CPNE3: variants seen among roughly 807,000 people sequenced by gnomAD.
The protein encoded by CPNE3 is copine-3.
CPNE3 carries 68 observed loss-of-function variants against 63.9 expected under a neutral mutation model. That is an observed-to-expected ratio of 1.06 (90% CI 0.87 to 1.30). The LOEUF (loss-of-function observed/expected upper bound fraction) is 1.30. CPNE3 is among the 50% of genes most tolerant of loss of function. The pLI is 0.00. For synonymous variants in CPNE3, 219 were observed against 197.5 expected (o/e 1.11, Z -0.91); for missense variants, 665 against 578.1 (o/e 1.15, Z -1.54).
chr8:86,535,851 G>A (rs1467806944), intron 6 of CPNE3, among the ~76,000 whole-genome samples: 1 of 152,054 alleles, frequency 6.6e-6, no homozygotes, highest in Non-Finnish European at 1.5e-5. Flanking sequence ...TTTCTTTGAA[G>A]TTCTTTTTGT....
At chr8:86,547,596 A>G (rs1821080958) in intron 10 of CPNE3, 115 bp from the exon 11 acceptor site, 1 of 647,136 alleles carries the variant, frequency 1.5e-6, no homozygotes, top group African/African-American at 1.9e-5. Context: ...GGTAATTTCC[A>G]TGTTTATATC....
chr8:86,540,045 CACAACTGGACAATTTATT>C (rs1300479562), intron 7 of CPNE3, among the ~76,000 whole-genome samples, 182 bp from the exon 8 acceptor site: 3 of 152,228 alleles, frequency 2.0e-5, no homozygotes, highest in Admixed American at 6.5e-5. Flanking sequence ...CAGAATGTAT[CACAACTGGACAATTTATT>C]ACATTTTTCA....
chr8:86,525,796 T>C (rs1820529572), intron 2 of CPNE3, among the ~76,000 whole-genome samples: 1 of 152,178 alleles, frequency 6.6e-6, no homozygotes, highest in African/African-American at 2.4e-5. Context: ...TGGGGGAAGC[T>C]TTAGCTATTG....
At position 86,551,191 on chromosome 8, in the gene CPNE3, T is replaced by A. The variant is rs375351141; in HGVS notation, c.1077T>A (p.His359Gln). ...TTGTCCATCTTTGACAGGTATCACA[T>A]GAATTTCCAATGAACTTCAACCCAT... ...AQIPPQWQVS[H>Q]EFPMNFNPSN... is the part of the protein sequence containing the mutation. The change falls in exon 14 of 17, where the codon CAT becomes CAA. Residue 359 changes from histidine to glutamine, a missense_variant. Coordinates refer to ENST00000517490, the MANE Select transcript of CPNE3 (RefSeq NM_003909.5). 2.5e-6 allele frequency: 4 copies of A among 1,612,988 alleles called. No individual in the cohort carries two copies. Among genetic ancestry groups the A allele is most frequent in the Middle Eastern group, 3.3e-4 (2 of 6,058 alleles).
chr8:86,557,219 C>T (rs943716280), intron 16 of CPNE3, among the ~76,000 whole-genome samples: 6 of 152,026 alleles, frequency 3.9e-5, no homozygotes, highest in Non-Finnish European at 7.4e-5. Flanking sequence ...CTGCAACTTC[C>T]GCCTCCTGGG....
At position 86,560,227 on chromosome 8, in the gene CPNE3, A is replaced by G. The variant is rs992280908; in HGVS notation, c.*1817A>G. ...TTGTTTGGAGCCATAGTTGTCTCAG[A>G]TGTTCTAATTCTCTTTGTATGCTTG... On this transcript the variant is annotated 3_prime_UTR_variant, in exon 17 of 17. Coordinates refer to ENST00000517490, the MANE Select transcript of CPNE3 (RefSeq NM_003909.5). 1 of 152,194 alleles carries G rather than the reference A, an allele frequency of 6.6e-6. No individual in the cohort carries two copies. The highest frequency in any genetic ancestry group is 1.5e-5 in the Non-Finnish European group (1 of 68,052). 9.4% of individuals were successfully genotyped at this position (152,194 alleles called of 1,614,324 possible). A position where few individuals can be genotyped will look rare whatever the true frequency, so the allele number is the denominator to read the frequency against.
At chr8:86,525,846 C>T (rs977830349) in intron 2 of CPNE3, among the ~76,000 whole-genome samples, 2 of 152,036 alleles carry the variant, frequency 1.3e-5, no homozygotes, top group African/African-American at 4.8e-5. Flanking sequence ...CTGCATTATG[C>T]TTGATATTGC....
At chr8:86,534,605 G>A (rs534722436) in intron 6 of CPNE3, among the ~76,000 whole-genome samples, 1 of 152,256 alleles carries the variant, frequency 6.6e-6, no homozygotes, top group East Asian at 1.9e-4. Context: ...GCAGTGAGCC[G>A]AGATCATGCC....
At position 86,542,741 on chromosome 8, in the gene CPNE3, C is replaced by T. The variant is rs116285949; in HGVS notation, c.634-1999C>T. Among the ~76,000 whole-genome samples, 475 of 151,950 alleles carry T rather than the reference C, an allele frequency of 3.1e-3. 2 individuals are homozygous for T. Among genetic ancestry groups the T allele is most frequent in the African/African-American group, 0.011 (451 of 41,480 alleles). On this transcript the variant is annotated intron_variant, in intron 8 of 16. Coordinates refer to ENST00000517490, the MANE Select transcript of CPNE3 (RefSeq NM_003909.5). ...TGACACGAATTGTCTTACCTCATAC[C>T]GTATCTGAACATATGCCAGCATTAT...
chr8:86,532,537 GA>G lies in CPNE3; in HGVS notation c.417del (p.Val140TrpfsTer36). 6.2e-7 allele frequency: 1 copy of G among 1,612,938 alleles called. No homozygotes were observed. Among genetic ancestry groups the G allele is most frequent in the African/African-American group, 1.3e-5 (1 of 75,006 alleles). On this transcript the variant is annotated frameshift_variant, in exon 6 of 17. Transcript: ENST00000517490. LOFTEE classifies it high-confidence loss of function. ...TCAGCTGAAGAAATAAAAGATAATA[GA>G]GTGGTCTTGTTTGAAATGGAAGCCA... ...TISAEEIKDNRVVLFEMEARK... is the reference protein window; with the variant it reads ...TISAEEIKDNXVVLFEMEARK...
intron 6 of CPNE3, among the ~76,000 whole-genome samples, chr8:86,533,557 T>G (rs1166826012): frequency 6.6e-6 from 1 of 151,448 alleles, no homozygotes; most frequent in African/African-American, 2.4e-5. Flanking sequence ...AAAAAAACAC[T>G]TAAAGAAAAC....
intron 2 of CPNE3, among the ~76,000 whole-genome samples, chr8:86,518,141 G>A (rs991363301): frequency 2.0e-5 from 3 of 152,178 alleles, no homozygotes; most frequent in African/African-American, 4.8e-5. Flanking sequence ...AGCACACGGT[G>A]ATGAATTGTG....
chr8:86,546,742 C>A, intron 10 of CPNE3, 61 bp downstream of exon 10: 57 of 1,534,076 alleles, frequency 3.7e-5, no homozygotes, highest in Non-Finnish European at 4.8e-5. Context: ...GCTGGAGCCT[C>A]GCTCTGTTGC....
chr8:86,521,051 G>T (rs1338660217), intron 2 of CPNE3, among the ~76,000 whole-genome samples: 1 of 152,040 alleles, frequency 6.6e-6, no homozygotes, highest in East Asian at 1.9e-4. Flanking sequence ...GCATCACTTT[G>T]TTACTAAATA....
chr8:86,552,860 A>G (rs1186715736), intron 14 of CPNE3, among the ~76,000 whole-genome samples: 1 of 119,160 alleles, frequency 8.4e-6, no homozygotes, highest in Non-Finnish European at 1.8e-5. Flanking sequence ...TTTTTTCGAG[A>G]CGAAGTCTTG....
At position 86,518,062 on chromosome 8, in the gene CPNE3, T is replaced by C. The variant is rs573726501; in HGVS notation, c.-11+2563T>C. The stretch of plus-strand genomic sequence containing the variant: ...AACTTTTTAAACCTTGAGAACCACA[T>C]GGTTGTGGTTGTTGCTGCTTTAAAC... On this transcript the variant is annotated intron_variant, in intron 2 of 16. Coordinates refer to ENST00000517490, the MANE Select transcript of CPNE3 (RefSeq NM_003909.5). Among the ~76,000 whole-genome samples, 22 of 152,210 alleles carry C rather than the reference T, an allele frequency of 1.4e-4. 2 individuals are homozygous for C. The highest frequency in any genetic ancestry group is 4.3e-4 in the African/African-American group (18 of 41,532).
chr8:86,528,521 T>C lies in CPNE3; in HGVS notation c.-10-15T>C. On this transcript the variant is annotated splice_polypyrimidine_tract_variant and intron_variant, in intron 2 of 16. Transcript: ENST00000517490. ...CACTGTTTTACTTGCTTTCTCTTTT[T>C]ATTGGTTTTCTCAGAACTCAAGACA... 6.2e-7 allele frequency: 1 copy of C among 1,610,862 alleles called. No individual in the cohort carries two copies. The highest frequency in any genetic ancestry group is 1.7e-4 in the Middle Eastern group (1 of 6,052).
At chr8:86,553,586 A>G (rs1282525506) in intron 14 of CPNE3, among the ~76,000 whole-genome samples, 1 of 152,160 alleles carries the variant, frequency 6.6e-6, no homozygotes, top group East Asian at 1.9e-4. Context: ...TTGTGTAAGT[A>G]TACTCTATGA....
At chr8:86,516,252 T>C (rs1432628561) in intron 2 of CPNE3, among the ~76,000 whole-genome samples, 1 of 152,072 alleles carries the variant, frequency 6.6e-6, no homozygotes, top group African/African-American at 2.4e-5. Context: ...TCAGGTCTAG[T>C]CCCTGAAGAA....
Sources: gnomAD v4.1 joint callset for allele counts (sites outside exome capture counted in the v4.1 genomes callset) on GRCh38, gnomAD v4.1.1 for gene constraint, MANE v1.5 for transcripts, NCBI Gene and HGNC (gene_info 2026-07-23, HGNC 2026-07-21) for gene names.